Variants in TET1 observed in about 807,000 individuals in gnomAD.
TET1 encodes the protein tet methylcytosine dioxygenase 1.
In TET1, 13 loss-of-function variants were observed where a neutral mutation model predicts 148.7. That is an observed-to-expected ratio of 0.09 (90% confidence interval 0.06 to 0.14). The LOEUF (loss-of-function observed/expected upper bound fraction) is 0.14, where lower values mean the gene tolerates loss of function less well. TET1 is among the 10% of genes least tolerant of loss of function. The pLI is 1.00. For missense variants in TET1, 2,182 were observed against 2,553.8 expected (o/e 0.85, Z 3.14); for synonymous variants, 907 against 937.2 (o/e 0.97, Z 0.59).
chr10:68,611,734 C>G (rs1014472405), intron 3 of TET1, among the ~76,000 whole-genome samples: 6 of 146,882 alleles, frequency 4.1e-5, no homozygotes, highest in African/African-American at 1.5e-4. Flanking sequence ...GAGTCTCGCT[C>G]TGTTGCCCAG....
intron 1 of TET1, among the ~76,000 whole-genome samples, chr10:68,568,849 T>C (rs1021078608): frequency 6.6e-6 from 1 of 151,418 alleles, no homozygotes; most frequent in African/African-American, 2.4e-5. Context: ...AGACCCTGTC[T>C]CAAAAAAAAA....
In TET1 at chr10:68,694,381, A is replaced by G. The variant is rs188071915; in HGVS notation, c.*2567A>G. On this transcript the variant is annotated 3_prime_UTR_variant, in exon 12 of 12. Transcript: ENST00000373644. Reference sequence around the variant, plus strand: ...GTGATTTTTTTTAAAAGCTTATTCAATGTTCTGCAGCATTGTGATTGTATG... The same window carrying G: ...GTGATTTTTTTTAAAAGCTTATTCAGTGTTCTGCAGCATTGTGATTGTATG... The G allele has an allele frequency of 4.3e-6, 1 of 232,370 alleles. No homozygotes were observed. Among genetic ancestry groups the G allele is most frequent in the Admixed American group, 5.6e-5 (1 of 17,760 alleles). 14.4% of individuals were successfully genotyped at this position (232,370 alleles called of 1,614,324 possible). A position where few individuals can be genotyped will look rare whatever the true frequency, so the allele number is the denominator to read the frequency against.
intron 7 of TET1, among the ~76,000 whole-genome samples, chr10:68,671,671 C>T (rs760210717): frequency 6.6e-6 from 1 of 152,206 alleles, no homozygotes; most frequent in Non-Finnish European, 1.5e-5. Context: ...TAGAAATGCC[C>T]TAAAAGTTAT....
At position 68,645,528 on chromosome 10, in the gene TET1, C is replaced by G. The variant is rs1273853414; in HGVS notation, c.2799C>G (p.Ile933Met). ...GTTTGCTTAATAGCTGCAAAGCTAT[C>G]CTCTACACTGTAAGAAAAGACCTCC... ...TASLLNSCKA[I>M]LYTVRKDLQD... Residue 933 changes from isoleucine to methionine, a missense_variant, in exon 4 of 12, where the codon ATC (isoleucine) becomes ATG (methionine). Coordinates refer to ENST00000373644, the MANE Select transcript of TET1 (RefSeq NM_030625.3). 2 of 1,613,994 alleles carry G rather than the reference C, an allele frequency of 1.2e-6. No homozygotes were observed. Among genetic ancestry groups the G allele is most frequent in the African/African-American group, 2.7e-5 (2 of 74,924 alleles).
chr10:68,633,260 A>G (rs1245373510), intron 3 of TET1, among the ~76,000 whole-genome samples: 1 of 152,228 alleles, frequency 6.6e-6, no homozygotes, highest in African/African-American at 2.4e-5. Flanking sequence ...ATGAGTGAAC[A>G]TAAACCTTAT....
intron 6 of TET1, among the ~76,000 whole-genome samples, chr10:68,666,372 T>G (rs562775474): frequency 6.6e-6 from 1 of 152,304 alleles, no homozygotes; most frequent in East Asian, 1.9e-4. Context: ...GTATATTAAT[T>G]CTCGATAGTA....
chr10:68,595,612 C>CTTTTTTTTTTTTTTTTTTTTT lies in TET1; in HGVS notation c.1915-5367_1915-5347dup, dbSNP rs71470530. ...CACAACACACACACACACACAGCTT[C>CTTTTTTTTTTTTTTTTTTTTT]TTTTTTTTTTTTTTTTTTTTTTGAG... is the stretch of plus-strand genomic sequence containing the variant. On this transcript the variant is annotated intron_variant, in intron 2 of 11. Transcript: ENST00000373644. 3.5e-4 allele frequency among the ~76,000 whole-genome samples: 27 copies of CTTTTTTTTTTTTTTTTTTTTT among 76,510 alleles called. 1 individual carries two copies. Among genetic ancestry groups the CTTTTTTTTTTTTTTTTTTTTT allele is most frequent in the East Asian group, 1.2e-3 (3 of 2,608 alleles). 50.2% of individuals were successfully genotyped at this position (76,510 alleles called of 152,430 possible).
At chr10:68,595,981 TATACACACACACAC>T (rs2053980700) in intron 2 of TET1, among the ~76,000 whole-genome samples, 6 of 40,846 alleles carry the variant, frequency 1.5e-4, no homozygotes, top group Middle Eastern at 0.013. Flanking sequence ...CACACACATA[TATACACACACACAC>T]ACACACACAC....
At position 68,653,939 on chromosome 10, in the gene TET1, T is replaced by G. The variant is rs556527586; in HGVS notation, c.4461+1345T>G. 2.6e-5 allele frequency among the ~76,000 whole-genome samples: 4 copies of G among 151,804 alleles called. No homozygotes were observed. The South Asian group carries it at 8.3e-4, about 32-fold the overall frequency. On this transcript the variant is annotated intron_variant, in intron 6 of 11. Transcript: ENST00000373644. ...CTGGCCAACATGGTGAAACCCCGTC[T>G]CTACTAAAAATACATAAATTAGCTG...
At chr10:68,569,090 G>A (rs1294897485) in intron 1 of TET1, among the ~76,000 whole-genome samples, 2 of 150,980 alleles carry the variant, frequency 1.3e-5, no homozygotes, top group Non-Finnish European at 2.9e-5. Flanking sequence ...TGGTGTGCAT[G>A]TGAAAAGCTC....
intron 3 of TET1, among the ~76,000 whole-genome samples, chr10:68,610,490 C>T (rs949797489): frequency 5.3e-5 from 8 of 151,396 alleles, no homozygotes; most frequent in African/African-American, 1.9e-4. Context: ...ACTCGGGAAG[C>T]TGAGGTGGGA....
intron 6 of TET1, among the ~76,000 whole-genome samples, chr10:68,660,211 C>T (rs781693481): frequency 1.3e-5 from 2 of 152,080 alleles, no homozygotes; most frequent in Non-Finnish European, 2.9e-5. Context: ...GATTGTGTTA[C>T]AGGGACTTAT....
Position 68,573,464 on chromosome 10 carries a change from TG to T in TET1, c.1129del (p.Glu377AsnfsTer37). On this transcript the variant is annotated frameshift_variant, in exon 2 of 12. Coordinates refer to ENST00000373644, the MANE Select transcript of TET1 (RefSeq NM_030625.3). LOFTEE classifies it high-confidence loss of function. ...GQAFGAIPHQ[W>X]ELPGADPVHG... ...GGCCTTTGGTGCTATCCCACATCAA[TG>T]GGAACTTCCTGGTGCTGACCCAGTT... The T allele has an allele frequency of 6.2e-7, 1 of 1,614,172 alleles. No individual in the cohort carries two copies. Among genetic ancestry groups the T allele is most frequent in the Non-Finnish European group, 8.5e-7 (1 of 1,180,024 alleles).
chr10:68,622,209 CCTTCCTT>C (rs2054384526), intron 3 of TET1, among the ~76,000 whole-genome samples: 1 of 128,166 alleles, frequency 7.8e-6, no homozygotes, highest in South Asian at 2.5e-4. Flanking sequence ...TTCCTTCCTT[CCTTCCTT>C]CCTTCCCTCC....
At chr10:68,672,355 G>A (rs1305933253) in intron 7 of TET1, among the ~76,000 whole-genome samples, 1 of 151,136 alleles carries the variant, frequency 6.6e-6, no homozygotes, top group Non-Finnish European at 1.5e-5. Flanking sequence ...GGGCGTGGTG[G>A]CGCACACCTG....
At chr10:68,681,022 G>T (rs1564508589) in intron 8 of TET1, among the ~76,000 whole-genome samples, 1 of 152,110 alleles carries the variant, frequency 6.6e-6, no homozygotes, top group Non-Finnish European at 1.5e-5. Context: ...CTGTTACATT[G>T]TAACCAAGTT....
intron 11 of TET1, among the ~76,000 whole-genome samples, chr10:68,690,570 G>A (rs1000124649): frequency 2.0e-5 from 3 of 152,166 alleles, no homozygotes; most frequent in African/African-American, 7.2e-5. Context: ...GGGACAGAGC[G>A]AGACTCCGTC....
intron 6 of TET1, among the ~76,000 whole-genome samples, chr10:68,656,535 A>G (rs956361515): frequency 6.6e-6 from 1 of 152,180 alleles, no homozygotes; most frequent in Non-Finnish European, 1.5e-5. Context: ...GTGCTAAAAT[A>G]GATTTTTTAA....
Position 68,675,937 on chromosome 10 carries a change from C to T in TET1, c.4824+2892C>T, listed in dbSNP as rs894114396. 2.6e-5 allele frequency among the ~76,000 whole-genome samples: 4 copies of T among 152,114 alleles called. No homozygotes were observed. The South Asian group carries it at 8.3e-4, about 32-fold the overall frequency. ...ATGGCTTGATCTCGGCTCACTGCAACCTCCACCTCCCGGGTTCAAGTGATT... is the reference window on the plus strand; with the variant it reads ...ATGGCTTGATCTCGGCTCACTGCAATCTCCACCTCCCGGGTTCAAGTGATT... On this transcript the variant is annotated intron_variant, in intron 8 of 11. Transcript: ENST00000373644.
Sources: allele counts gnomAD v4.1 joint callset (sites outside exome capture counted in the v4.1 genomes callset), GRCh38; gene constraint gnomAD v4.1.1; transcripts MANE v1.5; gene names NCBI Gene and HGNC (gene_info 2026-07-23, HGNC 2026-07-21).